Variants in TECPR1 observed in about 807,000 individuals in gnomAD.
TECPR1 encodes the protein tectonin beta-propeller repeat containing 1.
TECPR1 carries 122 observed loss-of-function variants against 162.4 expected under a neutral mutation model. The ratio of observed to expected loss-of-function variants is 0.75; its 90% CI spans 0.65 to 0.87. The LOEUF (loss-of-function observed/expected upper bound fraction) is 0.87, where lower values mean the gene tolerates loss of function less well. Among genes scored for constraint, TECPR1 ranks in the 40% least tolerant of loss-of-function variants. The pLI is 0.00. For synonymous variants in TECPR1, 642 were observed against 670.6 expected (o/e 0.96, Z 0.66); for missense variants, 1,432 against 1,618.2 (o/e 0.88, Z 1.97).
chr7:98,244,067 AAG>A (rs1798837202), intron 5 of TECPR1, among the ~76,000 whole-genome samples: 1 of 152,134 alleles, frequency 6.6e-6, no homozygotes, highest in Admixed American at 6.6e-5. Flanking sequence ...TATCTCTAAA[AAG>A]AAAAAAAAAT....
chr7:98,226,394 T>G, intron 17 of TECPR1: 7 of 970,598 alleles, frequency 7.2e-6, no homozygotes, highest in Non-Finnish European at 8.6e-6. Flanking sequence ...CACATATGGT[T>G]GAGACGTCCA....
At chr7:98,229,280 G>A in intron 15 of TECPR1, 114 bp from the exon 16 acceptor site, 4 of 1,388,056 alleles carry the variant, frequency 2.9e-6, no homozygotes, top group South Asian at 1.4e-5. Context: ...CCAGCCCTCG[G>A]TCTCCAAGCA....
At position 98,231,381 on chromosome 7, in the gene TECPR1, C is replaced by T; in HGVS notation, c.1975-8G>A. 1.9e-6 allele frequency: 3 copies of T among 1,590,592 alleles called. No individual in the cohort carries two copies. The highest frequency in any genetic ancestry group is 1.7e-6 in the Non-Finnish European group (2 of 1,168,916). ...CAGGAATATGTGGATGTACTGTTCA[C>T]AGAACAGGCGCCCGGCAGGGCTGTC... On this transcript the variant is annotated splice_region_variant and splice_polypyrimidine_tract_variant and intron_variant, in intron 13 of 25. Coordinates refer to ENST00000447648, the MANE Select transcript of TECPR1 (RefSeq NM_015395.3).
Position 98,244,627 on chromosome 7 carries a change from G to A in TECPR1, c.475C>T (p.Arg159Trp), listed in dbSNP as rs751487874. ...CTGTACCGGATCCACTTCCGGCGCC[G>A]CACACAAGAATTCCACTTCTTGTCT... ...TKDKKWNSCV[R>W]RRKWIRYRRY... Residue 159 changes from arginine to tryptophan, a missense_variant, in exon 5 of 26, where the codon CGG becomes TGG. By Grantham distance (101) the Arg-to-Trp change is moderately radical (BLOSUM62 -3). Coordinates refer to ENST00000447648, the MANE Select transcript of TECPR1 (RefSeq NM_015395.3). 11 of 1,612,840 alleles carry A rather than the reference G, an allele frequency of 6.8e-6. No individual in the cohort carries two copies. Among genetic ancestry groups the A allele is most frequent in the African/African-American group, 5.3e-5 (4 of 74,914 alleles).
intron 2 of TECPR1, among the ~76,000 whole-genome samples, chr7:98,250,211 G>A (rs1799026970): frequency 6.6e-6 from 1 of 152,098 alleles, no homozygotes; most frequent in African/African-American, 2.4e-5. Flanking sequence ...TGGGGATGCT[G>A]ACTGTATAAT....
At chr7:98,237,201 G>C (rs529837172) in intron 9 of TECPR1, among the ~76,000 whole-genome samples, 1 of 152,222 alleles carries the variant, frequency 6.6e-6, no homozygotes, top group East Asian at 1.9e-4. Context: ...GCTGTGTTAG[G>C]AAATGAGGTT....
At chr7:98,228,170 T>C in intron 16 of TECPR1, 54 bp from the exon 17 acceptor site, 2 of 1,382,272 alleles carry the variant, frequency 1.4e-6, no homozygotes, top group Non-Finnish European at 2.0e-6. Context: ...CGCTTGGGAC[T>C]CTGGCTTTCC....
At chr7:98,236,962 G>A in intron 9 of TECPR1, 41 bp from the exon 10 acceptor site, 4 of 1,486,274 alleles carry the variant, frequency 2.7e-6, no homozygotes, top group Non-Finnish European at 3.6e-6. Flanking sequence ...CTGGGCGCAG[G>A]CCCGGGGGCT....
At chr7:98,221,839 C>T (rs1798150439) in intron 22 of TECPR1, 86 bp from the exon 23 acceptor site, 1 of 1,043,142 alleles carries the variant, frequency 9.6e-7, no homozygotes, top group Non-Finnish European at 1.4e-6. Context: ...CCCCAGCTGC[C>T]TCTCGGATGT....
At chr7:98,242,278 G>C in intron 6 of TECPR1, among the ~76,000 whole-genome samples, 1 of 152,286 alleles carries the variant, frequency 6.6e-6, no homozygotes, top group East Asian at 1.9e-4. Context: ...GCCATGACTC[G>C]AGTGTCAGCG....
chr7:98,223,237 C>T, intron 20 of TECPR1, 67 bp from the exon 21 acceptor site: 1 of 1,466,968 alleles, frequency 6.8e-7, no homozygotes, highest in South Asian at 1.3e-5. Flanking sequence ...GGGCCTCTGC[C>T]TCTGGAGCCA....
At chr7:98,222,585 G>T in intron 21 of TECPR1, 64 bp from the exon 22 acceptor site, 1 of 1,528,898 alleles carries the variant, frequency 6.5e-7, no homozygotes, top group Non-Finnish European at 8.8e-7. Context: ...CCCACCTCCA[G>T]GACCAGCAGA....
rs1271589476 is a variant in TECPR1 at position 98,238,611 on chromosome 7, C to G, written c.934-1G>C. On this transcript the variant is annotated splice_acceptor_variant, in intron 8 of 25. Transcript: ENST00000447648. LOFTEE classifies it high-confidence loss of function. ...AGTTGACGCCTCTTCGGAACCACAC[C>G]TGGGGGAGTCAGAAATAAACATGCC... 2.6e-6 allele frequency: 4 copies of G among 1,561,092 alleles called. No individual in the cohort carries two copies. The highest frequency in any genetic ancestry group is 3.5e-6 in the Non-Finnish European group (4 of 1,152,480).
intron 3 of TECPR1, among the ~76,000 whole-genome samples, chr7:98,245,646 AT>A (rs952929573): frequency 1.3e-5 from 2 of 151,816 alleles, no homozygotes; most frequent in Admixed American, 1.3e-4. Context: ...TAATTCTTGT[AT>A]TTTTTTTGTA....
At chr7:98,231,196 C>T (rs778872617) in intron 14 of TECPR1, 28 bp downstream of exon 14, 11 of 1,609,676 alleles carry the variant, frequency 6.8e-6, no homozygotes, top group Middle Eastern at 1.7e-4. Context: ...TCCCTCCCCC[C>T]GGCCCGAGGG....
Position 98,231,503 on chromosome 7 carries a change from C to A in TECPR1, c.1975-130G>T, listed in dbSNP as rs531182843. ...CTCTCTCCTGGCACCCCCAGCCCTG[C>A]CCCCTCCCTTGGTACTTCATTTCTT... is the stretch of plus-strand genomic sequence containing the variant. On this transcript the variant is annotated intron_variant, in intron 13 of 25. Transcript: ENST00000447648. 615 of 765,818 alleles carry A rather than the reference C, an allele frequency of 8.0e-4. 3 individuals are homozygous for A. The highest frequency in any genetic ancestry group is 5.9e-3 in the South Asian group (326 of 55,308). The allele number at this position is 765,818 out of a possible 1,614,324, so 47.4% of individuals were successfully genotyped here.
rs750913181 is a variant in TECPR1, at chr7:98,241,195, C to G, written c.707G>C (p.Trp236Ser). 6.2e-7 allele frequency: 1 copy of G among 1,612,874 alleles called. No individual in the cohort carries two copies. Among genetic ancestry groups the G allele is most frequent in the Non-Finnish European group, 8.5e-7 (1 of 1,179,834 alleles). ...CTCCCCGGGGGTGTCCAGCAGGGAC[C>G]AGGAGGACCCTTCGGGGTTGGAGTG... ...VSHSNPEGSS[W>S]SLLDTPGEVV... Residue 236 changes from tryptophan (W) to serine (S), a missense_variant, in exon 7 of 26, where the codon TGG (tryptophan) becomes TCG (serine). By Grantham distance (177) the Trp-to-Ser change is radical (BLOSUM62 -3). Coordinates refer to ENST00000447648, the MANE Select transcript of TECPR1 (RefSeq NM_015395.3). This position sits in a 1 kb window ranked among gnomAD's most constrained non-coding sequence, Gnocchi z 5.0.
At chr7:98,221,555 G>T in intron 23 of TECPR1, 106 bp downstream of exon 23, 2 of 927,304 alleles carry the variant, frequency 2.2e-6, no homozygotes, top group Non-Finnish European at 3.4e-6. Context: ...TCGAACTCCT[G>T]ATCTCAGGTG....
intron 15 of TECPR1, among the ~76,000 whole-genome samples, chr7:98,230,612 G>C (rs1798405632): frequency 6.6e-6 from 1 of 152,182 alleles, no homozygotes; most frequent in African/African-American, 2.4e-5. Flanking sequence ...TGAGCACCGG[G>C]TCTGTGCCCT....
Sources: gnomAD v4.1 joint callset for allele counts (sites outside exome capture counted in the v4.1 genomes callset) on GRCh38, gnomAD v4.1.1 for gene constraint, Gnocchi (gnomAD v3.1) non-coding constraint, MANE v1.5 for transcripts, NCBI Gene and HGNC (gene_info 2026-07-23, HGNC 2026-07-21) for gene names.